CAMKMT: variants seen among roughly 807,000 people sequenced by gnomAD.
CAMKMT encodes CaM KMT.
CAMKMT carries 53 observed loss-of-function variants against 48.0 expected under a neutral mutation model. That is an observed-to-expected ratio of 1.10 (90% CI 0.89 to 1.39). CAMKMT has a LOEUF of 1.39. Among genes scored for constraint, CAMKMT ranks in the 40% most tolerant of loss-of-function variants. CAMKMT has a pLI of 0.00. For missense variants in CAMKMT, 428 were observed against 402.7 expected, an observed-to-expected ratio of 1.06 and a Z score of -0.54; for synonymous variants, 165 against 152.3, an observed-to-expected ratio of 1.08 and a Z score of -0.61.
intron 3 of CAMKMT, among the ~76,000 whole-genome samples, chr2:44,466,000 A>T (rs956142012): frequency 6.6e-6 from 1 of 152,248 alleles, no homozygotes; most frequent in African/African-American, 2.4e-5. Flanking sequence ...CTAAATATAT[A>T]TGCATCTAAC....
chr2:44,483,937 T>C (rs1055351171), intron 3 of CAMKMT, among the ~76,000 whole-genome samples: 1 of 152,168 alleles, frequency 6.6e-6, no homozygotes, highest in Non-Finnish European at 1.5e-5. Flanking sequence ...TAATTGACTC[T>C]TTAAAAATTA....
At chr2:44,425,817 A>G (rs968286847) in intron 3 of CAMKMT, among the ~76,000 whole-genome samples, 1 of 150,188 alleles carries the variant, frequency 6.7e-6, no homozygotes, top group Non-Finnish European at 1.5e-5. Context: ...TGCAACCTCC[A>G]CCTCCCGAGT....
chr2:44,432,680 GAGCTAA>G (rs1474799568), intron 3 of CAMKMT, among the ~76,000 whole-genome samples: 1 of 152,098 alleles, frequency 6.6e-6, no homozygotes, highest in East Asian at 1.9e-4. Context: ...GATAGAGGCA[GAGCTAA>G]GTCTTCACTT....
intron 3 of CAMKMT, among the ~76,000 whole-genome samples, chr2:44,565,220 C>A (rs1668548565): frequency 6.6e-6 from 1 of 152,094 alleles, no homozygotes; most frequent in Non-Finnish European, 1.5e-5. Context: ...ACATTTTTAT[C>A]CATATACATT....
chr2:44,715,242 T>A (rs779020447), intron 6 of CAMKMT, 45 bp from the exon 7 acceptor site: 3 of 1,280,308 alleles, frequency 2.3e-6, no homozygotes, highest in Admixed American at 2.2e-5. Context: ...TTTTTTTTGG[T>A]CACTTCACAA....
chr2:44,447,135 A>T (rs557757102), intron 3 of CAMKMT, among the ~76,000 whole-genome samples: 1 of 152,254 alleles, frequency 6.6e-6, no homozygotes, highest in East Asian at 1.9e-4. Context: ...ATGCATCTGT[A>T]TATTGCTTTG....
intron 3 of CAMKMT, among the ~76,000 whole-genome samples, chr2:44,552,911 T>C (rs1398082700): frequency 6.6e-6 from 1 of 152,106 alleles, no homozygotes. Context: ...AAATCAGCAA[T>C]AATTTTAAAA....
rs569787775 is a variant in CAMKMT at position 44,613,470 on chromosome 2, A to T, written c.377-90813A>T. ...CAGGGCAACATCATTCTGATTGGTC[A>T]GGACTGTATGCTGTGCCAGTTGTTA... On this transcript the variant is annotated intron_variant, in intron 3 of 10. Transcript: ENST00000378494. 2.4e-4 allele frequency among the ~76,000 whole-genome samples: 37 copies of T among 152,330 alleles called. No individual in the cohort carries two copies. In the South Asian group the frequency reaches 7.7e-3, roughly 32 times the overall value.
intron 3 of CAMKMT, among the ~76,000 whole-genome samples, chr2:44,691,781 C>T (rs781553779): frequency 6.6e-6 from 1 of 152,150 alleles, no homozygotes; most frequent in African/African-American, 2.4e-5. Flanking sequence ...GTTTCCAAAC[C>T]TCCCTGTGCC....
intron 3 of CAMKMT, among the ~76,000 whole-genome samples, chr2:44,511,159 C>T (rs985184429): frequency 1.3e-5 from 2 of 151,710 alleles, no homozygotes; most frequent in Non-Finnish European, 2.9e-5. Context: ...CAATCTTATG[C>T]CTTTTCATCC....
At chr2:44,629,190 T>G (rs1038956086) in intron 3 of CAMKMT, among the ~76,000 whole-genome samples, 3 of 152,152 alleles carry the variant, frequency 2.0e-5, no homozygotes, top group Non-Finnish European at 2.9e-5. Context: ...TCATGTATTT[T>G]GAAGCTCATA....
chr2:44,514,445 A>T (rs1670735161), intron 3 of CAMKMT, among the ~76,000 whole-genome samples: 1 of 152,186 alleles, frequency 6.6e-6, no homozygotes. Context: ...CCTCTCTAAG[A>T]ACTAACCAAG....
intron 3 of CAMKMT, among the ~76,000 whole-genome samples, chr2:44,605,504 A>G (rs185897143): frequency 2.6e-5 from 4 of 152,200 alleles, no homozygotes; most frequent in Admixed American, 2.0e-4. Context: ...ACACACAGGT[A>G]TATCATCACA....
chr2:44,521,468 A>T (rs915891922), intron 3 of CAMKMT, among the ~76,000 whole-genome samples: 2 of 152,030 alleles, frequency 1.3e-5, no homozygotes, highest in Admixed American at 1.3e-4. Flanking sequence ...TTTAGTAGAG[A>T]TGGGGTTTCA....
intron 3 of CAMKMT, among the ~76,000 whole-genome samples, chr2:44,393,748 G>T (rs987150714): frequency 6.6e-6 from 1 of 152,122 alleles, no homozygotes; most frequent in East Asian, 1.9e-4. Flanking sequence ...CAGATACCTT[G>T]GGTAACAAGG....
intron 10 of CAMKMT, among the ~76,000 whole-genome samples, chr2:44,769,770 C>T (rs1271861500): frequency 2.0e-5 from 3 of 151,946 alleles, no homozygotes; most frequent in East Asian, 1.9e-4. Context: ...GTTAAAAACA[C>T]GGCCATATTG....
intron 3 of CAMKMT, among the ~76,000 whole-genome samples, chr2:44,645,851 G>A (rs1673701615): frequency 6.6e-6 from 1 of 152,126 alleles, no homozygotes; most frequent in African/African-American, 2.4e-5. Context: ...CAAAATCTAA[G>A]TCTAAGATAA....
At chr2:44,395,336 A>T (rs919869226) in intron 3 of CAMKMT, among the ~76,000 whole-genome samples, 2 of 152,212 alleles carry the variant, frequency 1.3e-5, no homozygotes, top group Non-Finnish European at 2.9e-5. Flanking sequence ...ATATATACAT[A>T]TATGTAGTAT....
chr2:44,366,790 C>T (rs786618), intron 1 of CAMKMT, among the ~76,000 whole-genome samples: 79,127 of 151,474 alleles, frequency 0.52, 22,942 homozygotes, highest in Non-Finnish European at 0.66. Context: ...AGTGTGATCT[C>T]GGCTCACTGC....
Sources: gnomAD v4.1 joint callset for allele counts (sites outside exome capture counted in the v4.1 genomes callset) on GRCh38, gnomAD v4.1.1 for gene constraint, MANE v1.5 for transcripts, NCBI Gene and HGNC (gene_info 2026-07-23, HGNC 2026-07-21) for gene names.